ARHGAP42: variants seen among roughly 807,000 people sequenced by gnomAD.
ARHGAP42 encodes the protein Rho GTPase activating protein 42, also known as rho GTPase-activating protein 42.
ARHGAP42 carries 63 observed loss-of-function variants against 125.0 expected under a neutral mutation model. The observed-to-expected ratio is 0.50, with a 90% CI of 0.41 to 0.62. ARHGAP42 has a LOEUF of 0.62. Ranked by LOEUF, ARHGAP42 falls within the 20% of genes least tolerant of loss-of-function variation. The pLI is 0.00. For synonymous variants in ARHGAP42, 339 were observed against 351.0 expected (o/e 0.97, Z 0.38); for missense variants, 766 against 1,024.2 (o/e 0.75, Z 3.44).
At chr11:100,832,599 G>A (rs1392801419) in intron 3 of ARHGAP42, among the ~76,000 whole-genome samples, 1 of 152,172 alleles carries the variant, frequency 6.6e-6, no homozygotes. Flanking sequence ...TGACTGGAAA[G>A]CTCAGTTAAG....
intron 12 of ARHGAP42, among the ~76,000 whole-genome samples, chr11:100,953,822 TTGTAAGACTTTGGGAA>T (rs1857728157): frequency 7.9e-5 from 1 of 12,652 alleles, no homozygotes; most frequent in Admixed American, 9.8e-4. Flanking sequence ...ATCCATGAAA[TTGTAAGACTTTGGGAA>T]TGAATTTATT....
At chr11:100,721,275 T>G (rs544115665) in intron 1 of ARHGAP42, among the ~76,000 whole-genome samples, 6 of 152,116 alleles carry the variant, frequency 3.9e-5, no homozygotes, top group Non-Finnish European at 7.4e-5. Context: ...CCCGTGCTTT[T>G]CTCACCTAAC....
At chr11:100,950,262 T>C (rs1857608737) in intron 12 of ARHGAP42, among the ~76,000 whole-genome samples, 1 of 140,998 alleles carries the variant, frequency 7.1e-6, no homozygotes, top group Admixed American at 7.6e-5. Context: ...AATATATAAT[T>C]ATATTATATT....
intron 22 of ARHGAP42, among the ~76,000 whole-genome samples, chr11:100,981,416 T>C (rs1858541472): frequency 6.6e-6 from 1 of 150,556 alleles, no homozygotes; most frequent in African/African-American, 2.4e-5. Context: ...TCCCTGACCT[T>C]CTACAATGCC....
intron 5 of ARHGAP42, among the ~76,000 whole-genome samples, chr11:100,916,639 A>G (rs1867073864): frequency 1.3e-5 from 2 of 152,182 alleles, no homozygotes; most frequent in Admixed American, 1.3e-4. Flanking sequence ...GGAGCATAAG[A>G]TTTAATCATT....
chr11:100,969,770 T>C (rs1858191123), intron 17 of ARHGAP42, among the ~76,000 whole-genome samples: 2 of 152,174 alleles, frequency 1.3e-5, no homozygotes, highest in Admixed American at 6.5e-5. Flanking sequence ...TGTGACTTCT[T>C]TGAAGTCTTT....
intron 3 of ARHGAP42, among the ~76,000 whole-genome samples, chr11:100,809,253 A>AG (rs1864080236): frequency 6.6e-6 from 1 of 152,132 alleles, no homozygotes. Flanking sequence ...TGAAGAAGAA[A>AG]GAAAAAGAAA....
At chr11:100,970,213 C>T (rs1231589193) in intron 17 of ARHGAP42, among the ~76,000 whole-genome samples, 1 of 152,110 alleles carries the variant, frequency 6.6e-6, no homozygotes, top group Non-Finnish European at 1.5e-5. Flanking sequence ...GTCTTGAACT[C>T]CTGATCCTCA....
chr11:100,767,180 A>G (rs771637748), intron 1 of ARHGAP42, among the ~76,000 whole-genome samples: 9 of 152,216 alleles, frequency 5.9e-5, no homozygotes, highest in African/African-American at 7.2e-5. Context: ...GAACATGGAC[A>G]TCGTCAACAT....
At chr11:100,914,800 C>A (rs1867021608) in intron 5 of ARHGAP42, among the ~76,000 whole-genome samples, 2 of 152,172 alleles carry the variant, frequency 1.3e-5, no homozygotes, top group Admixed American at 6.5e-5. Context: ...GTCCTCAGCT[C>A]TCTTTATTCC....
At chr11:100,696,239 C>A (rs934314630) in intron 1 of ARHGAP42, among the ~76,000 whole-genome samples, 1 of 151,906 alleles carries the variant, frequency 6.6e-6, no homozygotes, top group Non-Finnish European at 1.5e-5. Flanking sequence ...AACAAACAAA[C>A]AAAAAAACTG....
chr11:100,941,205 G>A (rs1329830829), intron 8 of ARHGAP42, among the ~76,000 whole-genome samples: 1 of 152,144 alleles, frequency 6.6e-6, no homozygotes, highest in African/African-American at 2.4e-5. Flanking sequence ...CAGCAAGGCG[G>A]GCAGTGTAGC....
chr11:100,786,184 G>A (rs1565213497), intron 2 of ARHGAP42, among the ~76,000 whole-genome samples: 3 of 152,156 alleles, frequency 2.0e-5, no homozygotes, highest in Admixed American at 6.5e-5. Flanking sequence ...TTGGGAAACA[G>A]AATAAACATT....
At chr11:100,749,340 C>T (rs557959331) in intron 1 of ARHGAP42, among the ~76,000 whole-genome samples, 1 of 151,464 alleles carries the variant, frequency 6.6e-6, no homozygotes, top group Non-Finnish European at 1.5e-5. Context: ...AGGGATGTCT[C>T]GCCTTGCCTG....
At chr11:100,802,996 C>G (rs918901449) in intron 3 of ARHGAP42, among the ~76,000 whole-genome samples, 3 of 152,164 alleles carry the variant, frequency 2.0e-5, no homozygotes, top group Admixed American at 2.0e-4. Flanking sequence ...TACCTGCGCT[C>G]ATGAAGCTTG....
intron 3 of ARHGAP42, among the ~76,000 whole-genome samples, chr11:100,805,119 T>G (rs1863958647): frequency 6.6e-6 from 1 of 152,220 alleles, no homozygotes; most frequent in African/African-American, 2.4e-5. Flanking sequence ...GTGTATGCTA[T>G]TAATATACCC....
At chr11:100,875,266 T>C (rs1263390422) in intron 4 of ARHGAP42, among the ~76,000 whole-genome samples, 1 of 152,132 alleles carries the variant, frequency 6.6e-6, no homozygotes, top group African/African-American at 2.4e-5. Context: ...TTTCAGACTT[T>C]ATTTCACAGT....
rs112204491 is a variant in ARHGAP42 at position 100,885,503 on chromosome 11, C to G, written c.384+25878C>G. 7.8e-3 allele frequency among the ~76,000 whole-genome samples: 1,188 copies of G among 152,152 alleles called. 18 individuals are homozygous for G. Among genetic ancestry groups the G allele is most frequent in the African/African-American group, 0.027 (1,135 of 41,512 alleles). Reference sequence around the variant, plus strand: ...TTTTTTTCCACTGGGGTATCGGATGCCTTTTATAATTTCTTTCACTTTAAA... The same window carrying G: ...TTTTTTTCCACTGGGGTATCGGATGGCTTTTATAATTTCTTTCACTTTAAA... On this transcript the variant is annotated intron_variant, in intron 4 of 23. Coordinates refer to ENST00000298815, the MANE Select transcript of ARHGAP42 (RefSeq NM_152432.4).
intron 4 of ARHGAP42, among the ~76,000 whole-genome samples, chr11:100,897,580 G>A (rs1866396471): frequency 2.0e-5 from 3 of 151,940 alleles, no homozygotes; most frequent in African/African-American, 7.3e-5. Flanking sequence ...GGATTCCTAG[G>A]TATTTTATTC....
Sources: gnomAD v4.1 joint callset for allele counts (sites outside exome capture counted in the v4.1 genomes callset) on GRCh38, gnomAD v4.1.1 for gene constraint, MANE v1.5 for transcripts, NCBI Gene and HGNC (gene_info 2026-07-23, HGNC 2026-07-21) for gene names.